Variants in NRG1 observed in about 807,000 individuals in gnomAD.
NRG1 encodes neuregulin 1.
NRG1 carries 18 observed loss-of-function variants against 63.8 expected under a neutral mutation model. The observed-to-expected ratio is 0.28, with a 90% CI of 0.19 to 0.42. The LOEUF (loss-of-function observed/expected upper bound fraction) is 0.42. Ranked by LOEUF, NRG1 falls within the 10% of genes least tolerant of loss-of-function variation. The pLI, the probability that NRG1 is intolerant of heterozygous loss-of-function variation, is 1.00. For synonymous variants in NRG1, 302 were observed against 301.3 expected (o/e 1.00, Z -0.02); for missense variants, 762 against 814.7 (o/e 0.94, Z 0.79).
chr8:31,965,067 A>G (rs1806093149), intron 1 of NRG1, among the ~76,000 whole-genome samples: 1 of 152,184 alleles, frequency 6.6e-6, no homozygotes, highest in Non-Finnish European at 1.5e-5. Flanking sequence ...TTTAGCCAAG[A>G]GCTTGTTAAC....
intron 1 of NRG1, among the ~76,000 whole-genome samples, chr8:32,048,362 C>T (rs1289424033): frequency 6.9e-6 from 1 of 145,142 alleles, no homozygotes; most frequent in African/African-American, 2.5e-5. Flanking sequence ...TACATATATG[C>T]ATGTATACAT....
intron 1 of NRG1, among the ~76,000 whole-genome samples, chr8:32,481,311 C>T (rs1825250435): frequency 6.6e-6 from 1 of 151,820 alleles, no homozygotes; most frequent in African/African-American, 2.4e-5. Flanking sequence ...TGCACACCAG[C>T]CTGGGTAACC....
intron 5 of NRG1, 25 bp from the exon 6 acceptor site, chr8:32,727,924 C>A: frequency 2.5e-6 from 4 of 1,612,260 alleles, no homozygotes; most frequent in South Asian, 2.2e-5. Flanking sequence ...TCCATGTTAA[C>A]CTTTCTCCTT....
rs114070959 is a variant in NRG1, at chr8:32,231,446, G to T, written c.38-364382G>T. Among the ~76,000 whole-genome samples, 1,071 of 152,104 alleles carry T rather than the reference G, an allele frequency of 7.0e-3. 17 individuals carry two copies. The highest frequency in any genetic ancestry group is 0.025 in the African/African-American group (1,025 of 41,488). ...CGCTTTGTAAGGAAAAATAGGTTTT[G>T]CATATTTATATAAAAAGGGAAATTG... On this transcript the variant is annotated intron_variant, in intron 1 of 10. Coordinates refer to the NRG1 transcript ENST00000519301.
intron 1 of NRG1, among the ~76,000 whole-genome samples, chr8:31,775,851 C>A (rs1475834462): frequency 7.2e-6 from 1 of 138,370 alleles, no homozygotes; most frequent in Non-Finnish European, 1.5e-5. Context: ...CCACCACACT[C>A]CAGCCTGGGC....
chr8:31,928,605 G>A (rs1467443389), intron 1 of NRG1, among the ~76,000 whole-genome samples: 1 of 149,390 alleles, frequency 6.7e-6, no homozygotes, highest in Non-Finnish European at 1.5e-5. Context: ...AATGTGGTGC[G>A]TGCATGTGTG....
In NRG1 at chr8:32,608,103, TTTTG is replaced by T. The variant is rs1256343649; in HGVS notation, c.400+2424_400+2427del. Among the ~76,000 whole-genome samples the T allele has an allele frequency of 8.1e-3, 1,027 of 126,618 alleles. 4 individuals carry two copies. Among genetic ancestry groups the T allele is most frequent in the Middle Eastern group, 0.023 (6 of 264 alleles). The allele number at this position is 126,618 out of a possible 152,430, so 83.1% of individuals were successfully genotyped here. A position where few individuals can be genotyped will look rare whatever the true frequency, so the allele number is the denominator to read the frequency against. On this transcript the variant is annotated intron_variant, in intron 3 of 11. Transcript: ENST00000356819. The stretch of plus-strand genomic sequence containing the variant: ...CCCAGGTTTTTTTTGTTTTTTTTTT[TTTTG>T]TTTTTTTTTTTTTTTGCTTCATTCC...
At position 32,392,603 on chromosome 8, in the gene NRG1, T is replaced by C. The variant is rs1811916830; in HGVS notation, c.38-203225T>C. On this transcript the variant is annotated intron_variant, in intron 1 of 10. Coordinates refer to the NRG1 transcript ENST00000519301. ...TAATTGCCTTTTGCTTTAAGCTGTATTTTATATGAAAGATTCCTAGTGTTA... is the reference window on the plus strand; with the variant it reads ...TAATTGCCTTTTGCTTTAAGCTGTACTTTATATGAAAGATTCCTAGTGTTA... Among the ~76,000 whole-genome samples the C allele has an allele frequency of 2.0e-5, 3 of 152,206 alleles. No individual in the cohort carries two copies. In the South Asian group the frequency reaches 6.2e-4, roughly 31 times the overall value.
At chr8:31,989,809 T>G (rs1427448538) in intron 1 of NRG1, among the ~76,000 whole-genome samples, 4 of 152,092 alleles carry the variant, frequency 2.6e-5, no homozygotes, top group African/African-American at 7.2e-5. Flanking sequence ...TGGCTGAATC[T>G]GAATGGTCTT....
intron 1 of NRG1, among the ~76,000 whole-genome samples, chr8:32,365,018 G>T (rs1807770338): frequency 7.1e-6 from 1 of 140,758 alleles, no homozygotes; most frequent in South Asian, 2.2e-4. Context: ...GAGTGCAGTG[G>T]CGTGATCATG....
chr8:32,711,568 T>G (rs1817818324), intron 5 of NRG1, among the ~76,000 whole-genome samples: 1 of 152,190 alleles, frequency 6.6e-6, no homozygotes, highest in Non-Finnish European at 1.5e-5. Context: ...ATTGCTACAC[T>G]ATGAAGTTAT....
chr8:31,986,034 C>T (rs1183137797), intron 1 of NRG1, among the ~76,000 whole-genome samples: 4 of 152,268 alleles, frequency 2.6e-5, no homozygotes, highest in Admixed American at 2.6e-4. Flanking sequence ...TAAGTGATCT[C>T]AGTCGAATCA....
At position 32,620,421 on chromosome 8, in the gene NRG1, G is replaced by A. The variant is rs145129512; in HGVS notation, c.502+3536G>A. ...GATTTGGGGGTCAGTGTAAGACAGG[G>A]GAGGCTTTCAGAGCAAACAGATATA... On this transcript the variant is annotated intron_variant, in intron 5 of 11. Transcript: ENST00000356819. Among the ~76,000 whole-genome samples the A allele has an allele frequency of 4.6e-5, 7 of 151,938 alleles. No homozygotes were observed. The East Asian group carries it at 1.4e-3, about 29-fold the overall frequency.
intron 1 of NRG1, among the ~76,000 whole-genome samples, chr8:32,585,507 G>A (rs17721282): frequency 0.26 from 39,022 of 152,028 alleles, 5,134 homozygotes; most frequent in South Asian, 0.33. Context: ...TTTACACCTC[G>A]AAAGAACAAC....
chr8:31,900,932 G>A (rs1280636029), intron 1 of NRG1, among the ~76,000 whole-genome samples: 1 of 152,178 alleles, frequency 6.6e-6, no homozygotes, highest in East Asian at 1.9e-4. Flanking sequence ...TTCTACTGAA[G>A]CCCAGTAAAT....
At chr8:32,039,911 CT>C (rs1167640490) in intron 1 of NRG1, among the ~76,000 whole-genome samples, 1 of 151,898 alleles carries the variant, frequency 6.6e-6, no homozygotes, top group Admixed American at 6.6e-5. Context: ...GTAGTCCAAG[CT>C]ACTTGGGGCT....
intron 10 of NRG1, among the ~76,000 whole-genome samples, chr8:32,759,651 G>A (rs963055413): frequency 5.9e-5 from 9 of 152,144 alleles, no homozygotes; most frequent in African/African-American, 1.9e-4. Flanking sequence ...TCCTGAGATT[G>A]TCTTTACTCA....
intron 1 of NRG1, among the ~76,000 whole-genome samples, chr8:31,770,810 T>G (rs1032048517): frequency 2.0e-5 from 3 of 149,238 alleles, no homozygotes; most frequent in African/African-American, 7.3e-5. Context: ...TATATAAACT[T>G]GTTTTGTGAA....
At chr8:31,973,834 T>C (rs1225042713) in intron 1 of NRG1, among the ~76,000 whole-genome samples, 1 of 152,190 alleles carries the variant, frequency 6.6e-6, no homozygotes, top group Admixed American at 6.5e-5. Context: ...TGAAGACTCA[T>C]TAAGATGCCC....
Sources: gnomAD v4.1 joint callset for allele counts (sites outside exome capture counted in the v4.1 genomes callset) on GRCh38, gnomAD v4.1.1 for gene constraint, MANE v1.5 for transcripts, NCBI Gene and HGNC (gene_info 2026-07-23, HGNC 2026-07-21) for gene names.